Variants in SP1 observed in about 807,000 individuals in gnomAD.
The protein encoded by SP1 is Sp1 transcription factor.
SP1 carries 6 observed loss-of-function variants against 66.3 expected under a neutral mutation model. The ratio of observed to expected loss-of-function variants is 0.09; its 90% CI spans 0.05 to 0.18. The LOEUF (loss-of-function observed/expected upper bound fraction) is 0.18, where lower values mean the gene tolerates loss of function less well. Among genes scored for constraint, SP1 ranks in the 10% least tolerant of loss-of-function variants. SP1 has a pLI of 1.00. For missense variants in SP1, 848 were observed against 964.5 expected, an observed-to-expected ratio of 0.88 and a Z score of 1.60; for synonymous variants, 417 against 360.8, an observed-to-expected ratio of 1.16 and a Z score of -1.77.
chr12:53,404,668 A>G (rs193129556), intron 3 of SP1, among the ~76,000 whole-genome samples: 18 of 152,106 alleles, frequency 1.2e-4, no homozygotes, highest in East Asian at 9.7e-4. Context: ...TACACTGTTT[A>G]TTTATATATA....
At chr12:53,404,387 CA>C (rs1045937034) in intron 3 of SP1, among the ~76,000 whole-genome samples, 3 of 151,440 alleles carry the variant, frequency 2.0e-5, no homozygotes, top group African/African-American at 7.3e-5. Context: ...CAACAAAATA[CA>C]AAAAGTAGCC....
At chr12:53,401,067 G>T (rs1194310506) in intron 3 of SP1, among the ~76,000 whole-genome samples, 1 of 151,920 alleles carries the variant, frequency 6.6e-6, no homozygotes, top group Non-Finnish European at 1.5e-5. Context: ...CCTCATCTGG[G>T]TGAGTCTATA....
chr12:53,407,432 A>T (rs748617090), intron 4 of SP1, among the ~76,000 whole-genome samples: 1 of 148,550 alleles, frequency 6.7e-6, no homozygotes, highest in Non-Finnish European at 1.5e-5. Flanking sequence ...GGTTCAAGCA[A>T]TTCTGCCTCA....
chr12:53,394,860 C>T (rs1938447411), intron 3 of SP1, among the ~76,000 whole-genome samples: 1 of 151,658 alleles, frequency 6.6e-6, no homozygotes, highest in African/African-American at 2.4e-5. Flanking sequence ...GTGATCCACC[C>T]GCCTCGGCCT....
At chr12:53,410,042 C>T (rs1167142938) in intron 5 of SP1, among the ~76,000 whole-genome samples, 1 of 149,160 alleles carries the variant, frequency 6.7e-6, no homozygotes, top group Non-Finnish European at 1.5e-5. Context: ...TGTCGTGGCT[C>T]ATGCCTGTAA....
At chr12:53,398,728 T>G (rs778470243) in intron 3 of SP1, among the ~76,000 whole-genome samples, 2 of 152,192 alleles carry the variant, frequency 1.3e-5, no homozygotes, top group Admixed American at 6.6e-5. Context: ...ATGAGAAAAT[T>G]AAAAGCATTT....
intron 3 of SP1, among the ~76,000 whole-genome samples, chr12:53,405,530 C>T (rs141779234): frequency 6.6e-6 from 1 of 152,094 alleles, no homozygotes; most frequent in East Asian, 1.9e-4. Flanking sequence ...GTTAGCCAGT[C>T]ATGGTGGCAT....
At chr12:53,405,267 A>G (rs1938706771) in intron 3 of SP1, among the ~76,000 whole-genome samples, 2 of 152,032 alleles carry the variant, frequency 1.3e-5, no homozygotes. Flanking sequence ...GCAGAACCAC[A>G]TGTAAATATA....
chr12:53,411,283 AAC>A lies in SP1; in HGVS notation c.*44_*45del. ...CAGAGACATATGGGCCATACCCCTT[AAC>A]CCCGGGATGCAAGGTAGCATGGGTC... On this transcript the variant is annotated 3_prime_UTR_variant, in exon 6 of 6. Coordinates refer to ENST00000327443, the MANE Select transcript of SP1 (RefSeq NM_138473.3). 1 of 1,512,238 alleles carries A rather than the reference AAC, an allele frequency of 6.6e-7. No homozygotes were observed. Among genetic ancestry groups the A allele is most frequent in the Non-Finnish European group, 9.0e-7 (1 of 1,106,766 alleles). 93.7% of individuals were successfully genotyped at this position (1,512,238 alleles called of 1,614,324 possible).
intron 3 of SP1, among the ~76,000 whole-genome samples, chr12:53,401,429 C>T (rs577110333): frequency 6.7e-5 from 9 of 134,456 alleles, no homozygotes; most frequent in Middle Eastern, 4.2e-3. Context: ...CCAGCCTGGG[C>T]GACAAGAGCA....
At position 53,383,107 on chromosome 12, in the gene SP1, A is replaced by G. The variant is rs777160768; in HGVS notation, c.1160A>G (p.Glu387Gly). The change falls in exon 3 of 6, where the codon GAA becomes GGA. Residue 387 changes from glutamate to glycine, a missense_variant. This residue lies in a region of SP1 where 606 missense variants were observed against 589.9 expected (regional missense o/e 1.03). Coordinates refer to ENST00000327443, the MANE Select transcript of SP1 (RefSeq NM_138473.3). ...TCATTGCAAGCAGGCCAGCAAAAAG[A>G]AGGAGAGCAAAACCAGCAGACACAG... ...GGSLQAGQQK[E>G]GEQNQQTQQQ... 1.2e-6 allele frequency: 2 copies of G among 1,614,224 alleles called. No homozygotes were observed. Among genetic ancestry groups the G allele is most frequent in the Non-Finnish European group, 1.7e-6 (2 of 1,180,052 alleles).
chr12:53,392,652 C>A (rs917508291), intron 3 of SP1, among the ~76,000 whole-genome samples: 2 of 150,890 alleles, frequency 1.3e-5, no homozygotes, highest in African/African-American at 4.9e-5. Flanking sequence ...CCACCGCGCC[C>A]GGCCTAATTT....
At position 53,412,198 on chromosome 12, in the gene SP1, A is replaced by C. The variant is rs187132338; in HGVS notation, c.*958A>C. 6.6e-6 allele frequency: 1 copy of C among 152,604 alleles called. No individual in the cohort carries two copies. The highest frequency in any genetic ancestry group is 1.5e-5 in the Non-Finnish European group (1 of 68,034). 9.5% of individuals were successfully genotyped at this position (152,604 alleles called of 1,614,324 possible). A position where few individuals can be genotyped will look rare whatever the true frequency, so the allele number is the denominator to read the frequency against. On this transcript the variant is annotated 3_prime_UTR_variant, in exon 6 of 6. Coordinates refer to ENST00000327443, the MANE Select transcript of SP1 (RefSeq NM_138473.3). ...CCCTTCATTAGCTGCTCTGAGCATC[A>C]AGAATTAGAAGTCTTTCAGTGGAAT...
chr12:53,406,094 CAG>C (rs1371766891), intron 3 of SP1, among the ~76,000 whole-genome samples: 1 of 97,714 alleles, frequency 1.0e-5, no homozygotes. Context: ...TTTTTTGAGA[CAG>C]AGTCTTGCTC....
At chr12:53,408,162 C>T (rs986012140) in intron 4 of SP1, among the ~76,000 whole-genome samples, 2 of 143,228 alleles carry the variant, frequency 1.4e-5, no homozygotes, top group African/African-American at 5.0e-5. Flanking sequence ...AGGAGAATTG[C>T]TCGAACTTGG....
chr12:53,384,869 C>T (rs1938191042), intron 3 of SP1, among the ~76,000 whole-genome samples: 3 of 152,032 alleles, frequency 2.0e-5, no homozygotes, highest in African/African-American at 4.8e-5. Flanking sequence ...CCTATGGGCC[C>T]AGCTACTCGG....
intron 3 of SP1, among the ~76,000 whole-genome samples, chr12:53,398,921 T>C (rs1421556564): frequency 6.6e-6 from 1 of 152,232 alleles, no homozygotes; most frequent in African/African-American, 2.4e-5. Flanking sequence ...GTGAACATCC[T>C]TCCAGCCATC....
chr12:53,394,218 GA>G (rs147124286), intron 3 of SP1, among the ~76,000 whole-genome samples: 1 of 149,368 alleles, frequency 6.7e-6, no homozygotes, highest in South Asian at 2.1e-4. Context: ...TCCGTCTCGA[GA>G]AAAAAAAAGA....
intron 3 of SP1, among the ~76,000 whole-genome samples, chr12:53,387,321 A>G (rs902193678): frequency 1.3e-5 from 2 of 152,156 alleles, no homozygotes; most frequent in African/African-American, 4.8e-5. Flanking sequence ...TTCTCATTCC[A>G]TTTAACTGAT....
Sources: gnomAD v4.1 joint callset for allele counts (sites outside exome capture counted in the v4.1 genomes callset) on GRCh38, gnomAD v4.1.1 for gene constraint, gnomAD v4.1.1 regional missense constraint, MANE v1.5 for transcripts, NCBI Gene and HGNC (gene_info 2026-07-23, HGNC 2026-07-21) for gene names.